The following USP15 variants were observed in gnomAD, a reference collection of about 807,000 sequenced individuals.
The protein encoded by USP15 is ubiquitin specific peptidase 15.
In USP15, 18 loss-of-function variants were observed where a neutral mutation model predicts 127.1. The ratio of observed to expected loss-of-function variants is 0.14; its 90% CI spans 0.10 to 0.21. The LOEUF is 0.21. USP15 is among the 10% of genes least tolerant of loss of function. The probability of loss-of-function intolerance (pLI) is 1.00; values close to 1 mark genes in which losing one functional copy is unlikely to be tolerated. For missense variants in USP15, 805 were observed against 1,159.9 expected (o/e 0.69, Z 4.44); for synonymous variants, 364 against 393.7 (o/e 0.92, Z 0.89).
chr12:62,264,217 C>T (rs2063144157), intron 1 of USP15, among the ~76,000 whole-genome samples: 1 of 152,164 alleles, frequency 6.6e-6, no homozygotes, highest in Non-Finnish European at 1.5e-5. Context: ...CTCCTGGCCT[C>T]AAGTGATCTG....
Position 62,390,792 on chromosome 12 carries a change from A to G in USP15, c.1845-72A>G, listed in dbSNP as rs2067301290. ...TGCATTAAAAAGTTTTGTTTTACTG[A>G]TAGAAGGAAAACTTTTTAAAAGTTT... On this transcript the variant is annotated intron_variant, in intron 14 of 21. Coordinates refer to ENST00000280377, the MANE Select transcript of USP15 (RefSeq NM_001252078.2). The G allele has an allele frequency of 3.6e-6, 4 of 1,123,488 alleles. No homozygotes were observed. In the African/African-American group the frequency reaches 4.8e-5, roughly 13 times the overall value. 69.6% of individuals were successfully genotyped at this position (1,123,488 alleles called of 1,614,324 possible). A position where few individuals can be genotyped will look rare whatever the true frequency, so the allele number is the denominator to read the frequency against.
At chr12:62,294,956 T>C (rs147444363) in intron 2 of USP15, among the ~76,000 whole-genome samples, 4 of 152,286 alleles carry the variant, frequency 2.6e-5, no homozygotes, top group Admixed American at 6.5e-5. Flanking sequence ...TCCAACTGCC[T>C]TCAGTTTACT....
At chr12:62,369,155 A>T (rs2066581607) in intron 8 of USP15, among the ~76,000 whole-genome samples, 1 of 152,204 alleles carries the variant, frequency 6.6e-6, no homozygotes, top group Non-Finnish European at 1.5e-5. Flanking sequence ...TGATCAGCAA[A>T]ATGTCATGGA....
chr12:62,367,812 C>G (rs558846258), intron 8 of USP15, among the ~76,000 whole-genome samples: 1 of 152,240 alleles, frequency 6.6e-6, no homozygotes, highest in African/African-American at 2.4e-5. Context: ...CTGTCTCCTT[C>G]AGTTCTGCTC....
At chr12:62,390,061 C>T in intron 14 of USP15, 73 bp downstream of exon 14, 1 of 1,358,012 alleles carries the variant, frequency 7.4e-7, no homozygotes, top group Non-Finnish European at 9.8e-7. Flanking sequence ...TAAAAATAAA[C>T]ACATAAGGTA....
chr12:62,370,479 A>G (rs2066626859), intron 8 of USP15, among the ~76,000 whole-genome samples: 1 of 152,152 alleles, frequency 6.6e-6, no homozygotes, highest in Non-Finnish European at 1.5e-5. Flanking sequence ...TTCAAATCCT[A>G]ATTCTGCCAC....
At position 62,260,452 on chromosome 12, in the gene USP15, G is replaced by T. The variant is rs999576337; in HGVS notation, c.38G>T (p.Arg13Leu). ...GGAGCGGCGGATCTGGACACCCAGC[G>T]GTCTGACATCGCGACGCTGCTCAAA... ...EGGAADLDTQ[R>L]SDIATLLKTS... Residue 13 changes from arginine to leucine, a missense_variant, in exon 1 of 22, where the codon CGG (arginine) becomes CTG (leucine). By Grantham distance (102) the Arg-to-Leu change is moderately radical. This residue lies in a region of USP15 where 45 missense variants were observed against 37.8 expected (regional missense o/e 1.19). Coordinates refer to ENST00000280377, the MANE Select transcript of USP15 (RefSeq NM_001252078.2). 2 of 1,552,042 alleles carry T rather than the reference G, an allele frequency of 1.3e-6. No individual in the cohort carries two copies. The highest frequency in any genetic ancestry group is 1.7e-6 in the Non-Finnish European group (2 of 1,147,822).
chr12:62,376,425 AT>A (rs2066830703), intron 8 of USP15, among the ~76,000 whole-genome samples: 1 of 152,148 alleles, frequency 6.6e-6, no homozygotes, highest in African/African-American at 2.4e-5. Flanking sequence ...CTTAAGAAAT[AT>A]GTTTTATGAT....
chr12:62,342,507 GC>G (rs1259507317), intron 6 of USP15, among the ~76,000 whole-genome samples: 1 of 152,146 alleles, frequency 6.6e-6, no homozygotes, highest in Non-Finnish European at 1.5e-5. Flanking sequence ...GGAATTTTCA[GC>G]GTTTTTGTGC....
At chr12:62,291,063 G>A (rs2099905674) in intron 1 of USP15, among the ~76,000 whole-genome samples, 2 of 152,314 alleles carry the variant, frequency 1.3e-5, no homozygotes, top group South Asian at 4.1e-4. Flanking sequence ...ATGACTCTAT[G>A]TCATGGTGAG....
chr12:62,281,218 G>A (rs1185784218), intron 1 of USP15, among the ~76,000 whole-genome samples: 1 of 152,160 alleles, frequency 6.6e-6, no homozygotes, highest in African/African-American at 2.4e-5. Context: ...TTATTTGTCT[G>A]TGTCATCTAA....
intron 1 of USP15, among the ~76,000 whole-genome samples, chr12:62,260,957 C>G (rs1315509330): frequency 6.6e-6 from 1 of 152,126 alleles, no homozygotes; most frequent in African/African-American, 2.4e-5. Flanking sequence ...CCCTTTTATT[C>G]TGATTCTTGG....
intron 20 of USP15, among the ~76,000 whole-genome samples, chr12:62,397,240 T>C (rs571565053): frequency 1.4e-4 from 22 of 152,368 alleles, no homozygotes; most frequent in Non-Finnish European, 2.5e-4. Flanking sequence ...GAATAAAGAT[T>C]AGAGTCATAA....
At chr12:62,293,089 C>T (rs2064022691) in intron 1 of USP15, among the ~76,000 whole-genome samples, 1 of 152,158 alleles carries the variant, frequency 6.6e-6, no homozygotes, top group South Asian at 2.1e-4. Context: ...GTAACACCCT[C>T]AAGAAATCCC....
intron 7 of USP15, among the ~76,000 whole-genome samples, chr12:62,350,096 TTAG>T (rs2065923981): frequency 1.3e-5 from 2 of 151,890 alleles, no homozygotes; most frequent in African/African-American, 4.8e-5. Context: ...CATATTAGTA[TTAG>T]ATATTTATCT....
In USP15 at chr12:62,416,086, C is replaced by T. The variant is rs1344373036; in HGVS notation, c.*11711C>T. ...GTAAGAATTTGCCCTCATCTAATTC[C>T]TCACTTGCCCTCAAACATGTCATAC... is the stretch of plus-strand genomic sequence containing the variant. On this transcript the variant is annotated 3_prime_UTR_variant, in exon 22 of 22. Transcript: ENST00000280377. 1 of 152,192 alleles carries T rather than the reference C, an allele frequency of 6.6e-6. No homozygotes were observed. The highest frequency in any genetic ancestry group is 1.5e-5 in the Non-Finnish European group (1 of 68,042). 9.4% of individuals were successfully genotyped at this position (152,192 alleles called of 1,614,324 possible).
chr12:62,312,287 G>T, intron 3 of USP15: 1 of 343,646 alleles, frequency 2.9e-6, no homozygotes, highest in South Asian at 2.2e-5. Context: ...CCATTTCAGG[G>T]AGGGAGCATA....
chr12:62,390,039 T>G, intron 14 of USP15, 51 bp downstream of exon 14: 1 of 1,433,892 alleles, frequency 7.0e-7, no homozygotes. Context: ...GAATAAAATA[T>G]AAAATAGCTA....
chr12:62,355,084 T>A (rs2066078097), intron 7 of USP15: 1 of 277,268 alleles, frequency 3.6e-6, no homozygotes, highest in African/African-American at 2.2e-5. Context: ...GGTAGGAAGA[T>A]ATAATAGTGC....
Sources: allele counts gnomAD v4.1 joint callset (sites outside exome capture counted in the v4.1 genomes callset), GRCh38; gene constraint gnomAD v4.1.1; regional missense constraint gnomAD v4.1.1; transcripts MANE v1.5; gene names NCBI Gene and HGNC (gene_info 2026-07-23, HGNC 2026-07-21).